The following AGMO variants were observed in gnomAD, a reference collection of about 807,000 sequenced individuals.
AGMO encodes alkylglycerol monooxygenase, also known as glyceryl-ether monooxygenase.
Under a neutral mutation model 60.2 loss-of-function variants are expected in AGMO, and 75 were observed. The ratio of observed to expected loss-of-function variants is 1.25; its 90% CI spans 1.03 to 1.51. The LOEUF (loss-of-function observed/expected upper bound fraction) is 1.51, where lower values mean the gene tolerates loss of function less well. Among genes scored for constraint, AGMO ranks in the 40% most tolerant of loss-of-function variants. The pLI, the probability that AGMO is intolerant of heterozygous loss-of-function variation, is 0.00. For synonymous variants in AGMO, 261 were observed against 177.1 expected (o/e 1.47, Z -3.76); for missense variants, 763 against 525.5 (o/e 1.45, Z -4.42).
At chr7:15,404,162 A>G (rs1048312384) in intron 5 of AGMO, among the ~76,000 whole-genome samples, 5 of 151,976 alleles carry the variant, frequency 3.3e-5, no homozygotes, top group Admixed American at 2.0e-4. Flanking sequence ...TGATGAATCC[A>G]TACCACAGGG....
intron 12 of AGMO, among the ~76,000 whole-genome samples, chr7:15,273,590 G>T (rs1000580860): frequency 2.6e-5 from 4 of 152,156 alleles, no homozygotes; most frequent in Non-Finnish European, 5.9e-5. Flanking sequence ...GCTTAGGATT[G>T]ACTTGGCAAT....
chr7:15,291,555 A>T (rs1784265288), intron 12 of AGMO, among the ~76,000 whole-genome samples: 1 of 152,198 alleles, frequency 6.6e-6, no homozygotes, highest in East Asian at 1.9e-4. Flanking sequence ...TAGTATCATA[A>T]TCTTAAAATT....
At chr7:15,271,210 G>A (rs1473981104) in intron 12 of AGMO, among the ~76,000 whole-genome samples, 7 of 152,080 alleles carry the variant, frequency 4.6e-5, no homozygotes, top group African/African-American at 1.7e-4. Flanking sequence ...GTGAAAAACA[G>A]TGTTGGTAAT....
At chr7:15,475,107 G>C (rs920083263) in intron 3 of AGMO, among the ~76,000 whole-genome samples, 1 of 152,166 alleles carries the variant, frequency 6.6e-6, no homozygotes, top group African/African-American at 2.4e-5. Flanking sequence ...GTGTAAATTA[G>C]TTCATCCATT....
rs753923076 is a variant in AGMO, at chr7:15,512,551, C to T, written c.409+32221G>A. Among the ~76,000 whole-genome samples the T allele has an allele frequency of 2.6e-5, 4 of 152,178 alleles. No individual in the cohort carries two copies. In the East Asian group the frequency reaches 7.7e-4, roughly 29 times the overall value. On this transcript the variant is annotated intron_variant, in intron 3 of 12. Transcript: ENST00000342526. The stretch of plus-strand genomic sequence containing the variant: ...TACAGGCGTGAACCACTATGCCCGG[C>T]CTAAAGTCTGATACTCCTTTTTCAA...
intron 8 of AGMO, among the ~76,000 whole-genome samples, chr7:15,388,417 G>C (rs528585875): frequency 1.3e-5 from 2 of 152,076 alleles, no homozygotes; most frequent in Non-Finnish European, 2.9e-5. Flanking sequence ...TTCGCCTGGG[G>C]CTTTGCAATA....
chr7:15,137,707 G>A, the AGMO span, among the ~76,000 whole-genome samples: 1 of 152,128 alleles, frequency 6.6e-6, no homozygotes, highest in Non-Finnish European at 1.5e-5. Flanking sequence ...GAACTATTAT[G>A]ATCATGTTGA....
intron 3 of AGMO, among the ~76,000 whole-genome samples, chr7:15,516,194 T>C (rs1783802487): frequency 6.6e-6 from 1 of 152,198 alleles, no homozygotes; most frequent in African/African-American, 2.4e-5. Flanking sequence ...AACATCATAA[T>C]GTTTTAAATA....
intron 12 of AGMO, among the ~76,000 whole-genome samples, chr7:15,251,565 A>C (rs1358251364): frequency 6.6e-6 from 1 of 152,220 alleles, no homozygotes; most frequent in Non-Finnish European, 1.5e-5. Flanking sequence ...CTAAGAAAGC[A>C]AGATAGATAA....
intron 2 of AGMO, among the ~76,000 whole-genome samples, chr7:15,552,578 C>T (rs1177267033): frequency 6.7e-6 from 1 of 149,050 alleles, no homozygotes; most frequent in Admixed American, 6.7e-5. Flanking sequence ...AAATGCTCAT[C>T]ATCACTGGCC....
Position 15,385,515 on chromosome 7 carries a change from T to A in AGMO, c.1005A>T (p.Leu335Phe). Reference protein sequence around the residue: ...VPFSSSSSQLLKIYTVVQFAL... With the variant: ...VPFSSSSSQLFKIYTVVQFAL... ...CAAACTGTACAACTGTATATATCTT[T>A]AATAGCTGAGATGAAGATGATGAGA... The change falls in exon 10 of 13, where the codon TTA becomes TTT. Residue 335 changes from leucine to phenylalanine, a missense_variant. Transcript: ENST00000342526. 1 of 1,613,378 alleles carries A rather than the reference T, an allele frequency of 6.2e-7. No homozygotes were observed. The highest frequency in any genetic ancestry group is 1.7e-4 in the Middle Eastern group (1 of 6,058).
chr7:15,458,797 G>T (rs904258070), intron 3 of AGMO, among the ~76,000 whole-genome samples: 1 of 152,100 alleles, frequency 6.6e-6, no homozygotes, highest in Middle Eastern at 3.2e-3. Flanking sequence ...CCACAAAATT[G>T]CAGGGCCAAG....
At chr7:15,274,019 T>C (rs140700181) in intron 12 of AGMO, among the ~76,000 whole-genome samples, 3,378 of 152,300 alleles carry the variant, frequency 0.022, 126 homozygotes, top group African/African-American at 0.078. Flanking sequence ...AAGGAGATTT[T>C]GGGCTGAGAC....
rs183851939 is a variant in AGMO at position 15,437,847 on chromosome 7, C to T, written c.410-6739G>A. Among the ~76,000 whole-genome samples the T allele has an allele frequency of 3.9e-5, 6 of 152,268 alleles. No homozygotes were observed. In the East Asian group the frequency reaches 1.2e-3, roughly 29 times the overall value. ...GAGCCACTGCGCCCGGATGTTTGGC[C>T]ACATGTAGACATTAAATAATCTCTC... On this transcript the variant is annotated intron_variant, in intron 3 of 12. Coordinates refer to ENST00000342526, the MANE Select transcript of AGMO (RefSeq NM_001004320.2).
intron 12 of AGMO, among the ~76,000 whole-genome samples, chr7:15,260,129 A>G (rs190089280): frequency 1.2e-3 from 183 of 151,638 alleles, no homozygotes; most frequent in Non-Finnish European, 2.2e-3. Flanking sequence ...GCTCCATTTA[A>G]AAGATACAGA....
intron 3 of AGMO, among the ~76,000 whole-genome samples, chr7:15,502,230 T>C (rs915609119): frequency 3.9e-5 from 6 of 152,216 alleles, no homozygotes; most frequent in South Asian, 4.1e-4. Flanking sequence ...TCTTTTGCAC[T>C]GTTTCAGACT....
chr7:15,523,038 G>A (rs1784043217), intron 3 of AGMO, among the ~76,000 whole-genome samples: 1 of 152,182 alleles, frequency 6.6e-6, no homozygotes, highest in African/African-American at 2.4e-5. Context: ...CAAAGGATAT[G>A]AACAGACACA....
At chr7:15,202,167 A>G (rs1651453371) in intron 12 of AGMO, among the ~76,000 whole-genome samples, 1 of 151,952 alleles carries the variant, frequency 6.6e-6, no homozygotes, top group African/African-American at 2.4e-5. Flanking sequence ...GTTTCTCTAT[A>G]TTTTTCATGT....
rs185747610 is a variant in AGMO at position 15,346,379 on chromosome 7, G to C, written c.1263+19135C>G. Among the ~76,000 whole-genome samples, 300 of 152,102 alleles carry C rather than the reference G, an allele frequency of 2.0e-3. 3 individuals are homozygous for C. The highest frequency in any genetic ancestry group is 4.8e-3 in the Admixed American group (73 of 15,264). On this transcript the variant is annotated intron_variant, in intron 12 of 12. Transcript: ENST00000342526. Reference sequence around the variant, plus strand: ...TTTAGTAAATAACTTGGGCTTTGTAGATTTGTTTTTTCATGACACCTACTT... The same window carrying C: ...TTTAGTAAATAACTTGGGCTTTGTACATTTGTTTTTTCATGACACCTACTT...
Sources: allele counts gnomAD v4.1 joint callset (sites outside exome capture counted in the v4.1 genomes callset), GRCh38; gene constraint gnomAD v4.1.1; transcripts MANE v1.5; gene names NCBI Gene and HGNC (gene_info 2026-07-23, HGNC 2026-07-21).